EPHA6: variants seen among roughly 807,000 people sequenced by gnomAD.
The protein encoded by EPHA6 is EPH receptor A6.
A neutral mutation model predicts 112.0 loss-of-function variants in EPHA6; 50 were observed. That is an observed-to-expected ratio of 0.45 (90% CI 0.36 to 0.56). The LOEUF (loss-of-function observed/expected upper bound fraction) is 0.56, where lower values mean the gene tolerates loss of function less well. Ranked by LOEUF, EPHA6 falls within the 20% of genes least tolerant of loss-of-function variation. The probability of loss-of-function intolerance (pLI) is 0.00; values close to 1 mark genes in which losing one functional copy is unlikely to be tolerated. For missense variants in EPHA6, 1,280 were observed against 1,417.4 expected, an observed-to-expected ratio of 0.90 and a Z score of 1.56; for synonymous variants, 529 against 490.7, an observed-to-expected ratio of 1.08 and a Z score of -1.03.
chr3:97,323,133 A>G (rs1253789012), intron 5 of EPHA6, among the ~76,000 whole-genome samples: 5 of 151,970 alleles, frequency 3.3e-5, no homozygotes, highest in African/African-American at 1.2e-4. Flanking sequence ...TAAGCATTTA[A>G]TCATGCTACT....
chr3:97,493,997 C>A (rs1560067821), intron 10 of EPHA6, among the ~76,000 whole-genome samples: 1 of 152,116 alleles, frequency 6.6e-6, no homozygotes, highest in Non-Finnish European at 1.5e-5. Context: ...AGAAAGATTT[C>A]AAAAAATCAA....
chr3:96,878,388 A>C (rs1319655195), intron 2 of EPHA6, among the ~76,000 whole-genome samples: 3 of 151,866 alleles, frequency 2.0e-5, no homozygotes, highest in African/African-American at 7.2e-5. Context: ...GAGAGGTGTC[A>C]AGGAAAAACA....
At chr3:97,290,843 T>G (rs2080656225) in intron 5 of EPHA6, among the ~76,000 whole-genome samples, 1 of 152,054 alleles carries the variant, frequency 6.6e-6, no homozygotes, top group Non-Finnish European at 1.5e-5. Context: ...AAATAACTTT[T>G]TGTTTTGCTG....
rs1392469776 is a variant in EPHA6 at position 97,283,786 on chromosome 3, CTTA to C, written c.1606+39504_1606+39506del. ...CTTAAAATAAATAATAATAATGAAA[CTTA>C]TTATCAAGCAATGACATTTAAGTAC... On this transcript the variant is annotated intron_variant, in intron 5 of 17. Coordinates refer to ENST00000389672, the MANE Select transcript of EPHA6 (RefSeq NM_001080448.3). Among the ~76,000 whole-genome samples the C allele has an allele frequency of 2.0e-5, 3 of 151,916 alleles. No homozygotes were observed. In the East Asian group the frequency reaches 5.8e-4, roughly 29 times the overall value.
At chr3:97,423,734 A>G (rs2088868575) in intron 6 of EPHA6, among the ~76,000 whole-genome samples, 2 of 152,232 alleles carry the variant, frequency 1.3e-5, no homozygotes, top group Non-Finnish European at 2.9e-5. Flanking sequence ...AGCTGGAGGC[A>G]TCACATTACC....
chr3:97,067,591 C>G (rs2046217883), intron 3 of EPHA6, among the ~76,000 whole-genome samples: 1 of 150,442 alleles, frequency 6.6e-6, no homozygotes, highest in African/African-American at 2.5e-5. Flanking sequence ...AAATAGGGAG[C>G]CAAGGAGGGA....
intron 1 of EPHA6, among the ~76,000 whole-genome samples, chr3:96,835,860 G>A (rs145590014): frequency 1.3e-5 from 2 of 152,104 alleles, no homozygotes; most frequent in East Asian, 3.9e-4. Flanking sequence ...CAAATGTGGT[G>A]GAATGAATCT....
At chr3:97,437,373 AT>A in intron 6 of EPHA6, among the ~76,000 whole-genome samples, 1 of 152,266 alleles carries the variant, frequency 6.6e-6, no homozygotes, top group East Asian at 1.9e-4. Context: ...CTGCCCCTCC[AT>A]TCTGCCATGT....
intron 3 of EPHA6, among the ~76,000 whole-genome samples, chr3:97,005,130 CT>C (rs928605385): frequency 6.6e-5 from 10 of 151,858 alleles, no homozygotes; most frequent in Admixed American, 3.3e-4. Flanking sequence ...TTTAAAATAG[CT>C]TTTTTTTCTA....
chr3:97,290,690 G>A (rs1192495916), intron 5 of EPHA6, among the ~76,000 whole-genome samples: 1 of 151,964 alleles, frequency 6.6e-6, no homozygotes, highest in Non-Finnish European at 1.5e-5. Flanking sequence ...TACAGTCTTT[G>A]ATGATCTTTT....
At chr3:96,881,094 A>G (rs1389274196) in intron 2 of EPHA6, among the ~76,000 whole-genome samples, 2 of 152,162 alleles carry the variant, frequency 1.3e-5, no homozygotes, top group African/African-American at 2.4e-5. Flanking sequence ...TGGAACCACC[A>G]AACTGTTTTC....
At chr3:96,912,771 T>G (rs563435650) in intron 2 of EPHA6, among the ~76,000 whole-genome samples, 92 of 152,078 alleles carry the variant, frequency 6.0e-4, no homozygotes, top group Non-Finnish European at 1.1e-3. Context: ...CAAAAAAATT[T>G]TATAGTGATG....
chr3:96,956,086 T>C (rs1043998855), intron 2 of EPHA6, among the ~76,000 whole-genome samples: 7 of 146,868 alleles, frequency 4.8e-5, no homozygotes, highest in African/African-American at 1.7e-4. Flanking sequence ...GGTTGCTTAA[T>C]TGAAAAATGT....
At chr3:97,544,171 A>G (rs959095711) in intron 11 of EPHA6, among the ~76,000 whole-genome samples, 27 of 152,042 alleles carry the variant, frequency 1.8e-4, no homozygotes, top group Admixed American at 8.5e-4. Flanking sequence ...TCTTGTGCCC[A>G]TTTTCAAAGG....
At chr3:96,908,254 A>G (rs1179299058) in intron 2 of EPHA6, among the ~76,000 whole-genome samples, 2 of 152,032 alleles carry the variant, frequency 1.3e-5, no homozygotes, top group Non-Finnish European at 2.9e-5. Context: ...TATGCGGAGC[A>G]TGACTGCAAT....
chr3:97,576,326 C>T (rs1266537738), intron 11 of EPHA6, among the ~76,000 whole-genome samples: 2 of 151,992 alleles, frequency 1.3e-5, no homozygotes, highest in African/African-American at 4.8e-5. Context: ...ACTACTTCTA[C>T]TTGTCATGGG....
chr3:97,017,447 G>A (rs76863520), intron 3 of EPHA6, among the ~76,000 whole-genome samples: 3,737 of 152,248 alleles, frequency 0.025, 169 homozygotes, highest in African/African-American at 0.085. Flanking sequence ...TGTCCATCCC[G>A]GCAGTCAAAA....
At chr3:97,696,678 CAT>C (rs1039237511) in intron 14 of EPHA6, among the ~76,000 whole-genome samples, 6 of 152,222 alleles carry the variant, frequency 3.9e-5, no homozygotes, top group African/African-American at 1.4e-4. Context: ...TAGATCCTAA[CAT>C]AATAATAATT....
chr3:97,559,268 T>G (rs2093156190), intron 11 of EPHA6, among the ~76,000 whole-genome samples: 1 of 152,020 alleles, frequency 6.6e-6, no homozygotes, highest in African/African-American at 2.4e-5. Context: ...ATAATTCTAC[T>G]GAAATCATAG....
Sources: allele counts gnomAD v4.1 joint callset (sites outside exome capture counted in the v4.1 genomes callset), GRCh38; gene constraint gnomAD v4.1.1; transcripts MANE v1.5; gene names NCBI Gene and HGNC (gene_info 2026-07-23, HGNC 2026-07-21).